FBXL13: variants seen among roughly 807,000 people sequenced by gnomAD.
FBXL13 encodes F-box and leucine-rich repeat protein 13.
Under a neutral mutation model 83.6 loss-of-function variants are expected in FBXL13, and 67 were observed. The ratio of observed to expected loss-of-function variants is 0.80; its 90% CI spans 0.66 to 0.98. The LOEUF (loss-of-function observed/expected upper bound fraction) is 0.98. Among genes scored for constraint, FBXL13 ranks in the 50% least tolerant of loss-of-function variants. The pLI is 0.00. For missense variants in FBXL13, 822 were observed against 866.5 expected (o/e 0.95, Z 0.64); for synonymous variants, 272 against 299.5 (o/e 0.91, Z 0.95).
At chr7:102,968,320 G>A (rs1826218417) in intron 6 of FBXL13, among the ~76,000 whole-genome samples, 1 of 152,176 alleles carries the variant, frequency 6.6e-6, no homozygotes, top group Non-Finnish European at 1.5e-5. Context: ...TAAAGTACTG[G>A]AACTTACCTG....
chr7:103,054,417 GT>G lies in FBXL13; in HGVS notation c.-1+1226del, dbSNP rs1393592072. ...AAAAAAAAAAAAAAAAAGAGAGAGA[GT>G]TATCACACATGGTTCCACACATATC... On this transcript the variant is annotated intron_variant, in intron 2 of 19. Coordinates refer to ENST00000313221, the Ensembl canonical transcript of FBXL13. Among the ~76,000 whole-genome samples, 26 of 150,682 alleles carry G rather than the reference GT, an allele frequency of 1.7e-4. 1 individual carries two copies. The highest frequency in any genetic ancestry group is 6.4e-4 in the African/African-American group (26 of 40,938).
intron 5 of FBXL13, among the ~76,000 whole-genome samples, chr7:103,026,635 T>C (rs1793946523): frequency 6.6e-6 from 1 of 152,120 alleles, no homozygotes; most frequent in Non-Finnish European, 1.5e-5. Context: ...TGCTTAAAGC[T>C]CAGCACAGGC....
intron 10 of FBXL13, among the ~76,000 whole-genome samples, chr7:102,922,934 C>T (rs1421230124): frequency 4.6e-5 from 7 of 151,874 alleles, no homozygotes; most frequent in South Asian, 2.1e-4. Context: ...GCTGAGATCG[C>T]GCCACTGCAC....
exon 16 of FBXL13, chr7:102,877,479 G>A (rs1563029933): frequency 3.1e-6 from 5 of 1,599,622 alleles, no homozygotes; most frequent in South Asian, 1.1e-5. Flanking sequence ...CATTAGAGAT[G>A]TCTGTTCCAG....
intron 6 of FBXL13, among the ~76,000 whole-genome samples, chr7:102,995,254 G>C (rs1387934368): frequency 6.6e-6 from 1 of 151,928 alleles, no homozygotes; most frequent in Non-Finnish European, 1.5e-5. Flanking sequence ...GGCCAAGGCG[G>C]GCAGATCACG....
intron 8 of FBXL13, among the ~76,000 whole-genome samples, chr7:102,963,006 TA>T (rs1157647184): frequency 1.6e-3 from 78 of 48,548 alleles, no homozygotes; most frequent in African/African-American, 3.3e-3. Flanking sequence ...TATATATATA[TA>T]AAAAAAAAAA....
intron 6 of FBXL13, among the ~76,000 whole-genome samples, chr7:103,015,797 C>CAAA (rs56376102): frequency 0.7 from 80,605 of 115,478 alleles, 30,539 homozygotes; most frequent in Middle Eastern, 0.85. Flanking sequence ...ACTCTCATCT[C>CAAA]AAAAAAAAAA....
intron 6 of FBXL13, among the ~76,000 whole-genome samples, chr7:102,982,177 TTGGG>T (rs1828331461): frequency 6.6e-6 from 1 of 152,160 alleles, no homozygotes; most frequent in Admixed American, 6.5e-5. Flanking sequence ...TTCATAGTGG[TTGGG>T]TGGCAGTCTT....
At chr7:103,020,462 A>G (rs1793016733) in intron 6 of FBXL13, among the ~76,000 whole-genome samples, 1 of 152,212 alleles carries the variant, frequency 6.6e-6, no homozygotes, top group Non-Finnish European at 1.5e-5. Flanking sequence ...ATAGCGTTGG[A>G]AGTTCTGGCC....
intron 10 of FBXL13, among the ~76,000 whole-genome samples, chr7:102,915,123 T>TA (rs1554454401): frequency 0.023 from 1,755 of 75,836 alleles, 36 homozygotes; most frequent in African/African-American, 0.098. Flanking sequence ...GATTAAAATA[T>TA]TTTTTTTTTT....
chr7:102,998,527 G>A (rs1011875768), intron 6 of FBXL13, among the ~76,000 whole-genome samples: 1 of 152,068 alleles, frequency 6.6e-6, no homozygotes, highest in East Asian at 1.9e-4. Flanking sequence ...AAATGGGATT[G>A]CTTTCTTGAT....
intron 8 of FBXL13, chr7:102,939,646 G>A (rs1022492204): frequency 1.4e-6 from 2 of 1,444,022 alleles, no homozygotes; most frequent in African/African-American, 1.4e-5. Context: ...TTTTTCTATG[G>A]CAACACTTAT....
intron 7 of FBXL13, among the ~76,000 whole-genome samples, chr7:102,965,254 A>G (rs1003293966): frequency 3.9e-5 from 6 of 152,162 alleles, no homozygotes; most frequent in Admixed American, 2.6e-4. Context: ...TAGTCTGACA[A>G]ATCAGAATTT....
chr7:102,899,468 G>A (rs1812697082), intron 11 of FBXL13, among the ~76,000 whole-genome samples: 1 of 152,156 alleles, frequency 6.6e-6, no homozygotes, highest in South Asian at 2.1e-4. Context: ...AATTTCTTCT[G>A]TGCTGCTGGA....
At chr7:102,993,733 A>C (rs993625894) in intron 6 of FBXL13, among the ~76,000 whole-genome samples, 1 of 152,174 alleles carries the variant, frequency 6.6e-6, no homozygotes, top group African/African-American at 2.4e-5. Flanking sequence ...AGCATTTCCT[A>C]ACGGGTAAAT....
At chr7:102,991,859 AGT>A (rs1829594676) in intron 6 of FBXL13, among the ~76,000 whole-genome samples, 1 of 152,184 alleles carries the variant, frequency 6.6e-6, no homozygotes, top group Non-Finnish European at 1.5e-5. Flanking sequence ...AGTGGTGCGC[AGT>A]GTGAGTCATG....
At chr7:103,018,143 A>G (rs1792614080) in intron 6 of FBXL13, among the ~76,000 whole-genome samples, 1 of 152,242 alleles carries the variant, frequency 6.6e-6, no homozygotes, top group African/African-American at 2.4e-5. Flanking sequence ...AAATTCTACA[A>G]GCCAGAAGAG....
intron 2 of FBXL13, among the ~76,000 whole-genome samples, chr7:103,042,455 C>T (rs545095617): frequency 1.3e-5 from 2 of 152,238 alleles, no homozygotes; most frequent in Non-Finnish European, 2.9e-5. Context: ...ACTTTCTTCA[C>T]AGAATTGGAA....
rs1795233424 is a variant in FBXL13 at position 103,037,921 on chromosome 7, T to TA, written c.1-8504dup. 2.0e-5 allele frequency among the ~76,000 whole-genome samples: 3 copies of TA among 151,074 alleles called. No homozygotes were observed. The South Asian group carries it at 6.3e-4, about 32-fold the overall frequency. On this transcript the variant is annotated intron_variant, in intron 2 of 19. Coordinates refer to ENST00000313221, the Ensembl canonical transcript of FBXL13. Reference sequence around the variant, plus strand: ...ATGATTTCTGCATTTCCAGCTGAGGTATCTGGTGCACCTCACTGGGACTGG... The same window carrying TA: ...ATGATTTCTGCATTTCCAGCTGAGGTAATCTGGTGCACCTCACTGGGACTGG...
Sources: allele counts gnomAD v4.1 joint callset (sites outside exome capture counted in the v4.1 genomes callset), GRCh38; gene constraint gnomAD v4.1.1; transcripts MANE v1.5; gene names NCBI Gene and HGNC (gene_info 2026-07-23, HGNC 2026-07-21).